Variants in EPHA6 observed in about 807,000 individuals in gnomAD.
EPHA6 encodes the protein EPH receptor A6.
A neutral mutation model predicts 112.0 loss-of-function variants in EPHA6; 50 were observed. That is an observed-to-expected ratio of 0.45 (90% CI 0.36 to 0.56). EPHA6 has a LOEUF of 0.56. Among genes scored for constraint, EPHA6 ranks in the 20% least tolerant of loss-of-function variants. EPHA6 has a pLI of 0.00. For missense variants in EPHA6, 1,280 were observed against 1,417.4 expected, an observed-to-expected ratio of 0.90 and a Z score of 1.56; for synonymous variants, 529 against 490.7, an observed-to-expected ratio of 1.08 and a Z score of -1.03.
chr3:97,635,311 G>T (rs2093936159), intron 13 of EPHA6, among the ~76,000 whole-genome samples: 1 of 152,034 alleles, frequency 6.6e-6, no homozygotes, highest in Admixed American at 6.6e-5. Flanking sequence ...TTACCATGAT[G>T]ATTGAAATGA....
intron 3 of EPHA6, among the ~76,000 whole-genome samples, chr3:97,155,328 GTCAT>G (rs1371714891): frequency 6.6e-6 from 1 of 152,104 alleles, no homozygotes; most frequent in African/African-American, 2.4e-5. Flanking sequence ...TCTTCCAGAA[GTCAT>G]TCAGTTTCTC....
At chr3:97,204,275 A>G (rs1202101376) in intron 3 of EPHA6, among the ~76,000 whole-genome samples, 2 of 152,124 alleles carry the variant, frequency 1.3e-5, no homozygotes, top group Non-Finnish European at 2.9e-5. Flanking sequence ...ACATTTTTAC[A>G]TGGTTAGATA....
chr3:97,758,093 C>T lies in EPHA6; in HGVS notation c.*9392C>T, dbSNP rs2036068634. ...ACATATATTTTTTATAGTTACTTCT[C>T]ACTACTTACTGCTTATTCAGTTTGT... is the stretch of plus-strand genomic sequence containing the variant. On this transcript the variant is annotated 3_prime_UTR_variant, in exon 18 of 18. Coordinates refer to ENST00000389672, the MANE Select transcript of EPHA6 (RefSeq NM_001080448.3). Among the ~76,000 whole-genome samples the T allele has an allele frequency of 6.6e-6, 1 of 151,962 alleles. No individual in the cohort carries two copies. The highest frequency in any genetic ancestry group is 1.5e-5 in the Non-Finnish European group (1 of 67,842).
Position 96,996,492 on chromosome 3 carries a change from A to G in EPHA6, c.1114+8499A>G, listed in dbSNP as rs552979944. Among the ~76,000 whole-genome samples, 16 of 152,212 alleles carry G rather than the reference A, an allele frequency of 1.1e-4. No homozygotes were observed. The East Asian group carries it at 2.9e-3, about 28-fold the overall frequency. ...TATATTTCTTAAGCCATAAGACTTG[A>G]AAGTTGACATTTCTCTGTGATTGAT... On this transcript the variant is annotated intron_variant, in intron 3 of 17. Coordinates refer to ENST00000389672, the MANE Select transcript of EPHA6 (RefSeq NM_001080448.3).
intron 5 of EPHA6, among the ~76,000 whole-genome samples, chr3:97,393,762 C>A (rs960402361): frequency 4.6e-5 from 7 of 151,756 alleles, no homozygotes; most frequent in African/African-American, 1.7e-4. Context: ...CTCTGGTAAT[C>A]ATTGTTCTAC....
intron 3 of EPHA6, among the ~76,000 whole-genome samples, chr3:97,118,790 T>C (rs764806575): frequency 2.0e-5 from 3 of 151,986 alleles, no homozygotes; most frequent in Non-Finnish European, 2.9e-5. Flanking sequence ...ATAGAGGCTA[T>C]TGTGAAGATT....
intron 11 of EPHA6, among the ~76,000 whole-genome samples, chr3:97,551,184 C>T (rs1285660913): frequency 2.0e-5 from 3 of 152,078 alleles, no homozygotes; most frequent in African/African-American, 7.2e-5. Flanking sequence ...AAAGTAAGAC[C>T]ACAGCAAATT....
chr3:97,577,705 T>C (rs2093400124), intron 11 of EPHA6, among the ~76,000 whole-genome samples: 2 of 152,158 alleles, frequency 1.3e-5, no homozygotes, highest in Non-Finnish European at 2.9e-5. Context: ...TTCTAGATAA[T>C]AGGAAAAGCA....
chr3:97,184,373 C>T (rs750008287), intron 3 of EPHA6, among the ~76,000 whole-genome samples: 3 of 151,708 alleles, frequency 2.0e-5, no homozygotes, highest in Non-Finnish European at 4.4e-5. Context: ...ATGCCATCCT[C>T]TACAAAATCA....
intron 11 of EPHA6, among the ~76,000 whole-genome samples, chr3:97,566,586 G>T (rs111791235): frequency 6.6e-6 from 1 of 152,138 alleles, no homozygotes; most frequent in Non-Finnish European, 1.5e-5. Flanking sequence ...AAATAATTTT[G>T]TCAGGGCTCT....
At chr3:97,667,843 C>T (rs2107650356) in intron 14 of EPHA6, among the ~76,000 whole-genome samples, 1 of 152,138 alleles carries the variant, frequency 6.6e-6, no homozygotes, top group Non-Finnish European at 1.5e-5. Flanking sequence ...AAGCATCCTG[C>T]CTTTGGATGC....
intron 14 of EPHA6, among the ~76,000 whole-genome samples, chr3:97,695,600 G>A (rs562825339): frequency 2.1e-4 from 32 of 152,258 alleles, no homozygotes; most frequent in Admixed American, 1.9e-3. Flanking sequence ...GAATGCAGTG[G>A]CGCCATCTCA....
chr3:97,152,923 T>C (rs1576581244), intron 3 of EPHA6, among the ~76,000 whole-genome samples: 1 of 152,228 alleles, frequency 6.6e-6, no homozygotes, highest in East Asian at 1.9e-4. Flanking sequence ...TGCCTTGTAT[T>C]TCATCATGCT....
chr3:97,344,750 C>T (rs73133055), intron 5 of EPHA6, among the ~76,000 whole-genome samples: 47 of 152,188 alleles, frequency 3.1e-4, no homozygotes, highest in Admixed American at 7.2e-4. Context: ...CTAGTAAGTG[C>T]GTAGTGGTAT....
chr3:97,520,680 C>T (rs145621080), intron 10 of EPHA6, among the ~76,000 whole-genome samples: 3 of 152,244 alleles, frequency 2.0e-5, no homozygotes, highest in African/African-American at 2.4e-5. Context: ...TGTAATGTGC[C>T]GTGGAGAAGA....
chr3:97,043,171 C>CAAT (rs2045376783), intron 3 of EPHA6, among the ~76,000 whole-genome samples: 1 of 152,076 alleles, frequency 6.6e-6, no homozygotes, highest in African/African-American at 2.4e-5. Flanking sequence ...ACTCAGCGGT[C>CAAT]TTCCCTTCTG....
intron 5 of EPHA6, among the ~76,000 whole-genome samples, chr3:97,332,653 A>G (rs2082857817): frequency 1.3e-5 from 2 of 152,212 alleles, no homozygotes; most frequent in South Asian, 4.1e-4. Flanking sequence ...ATTAGGTTTG[A>G]GTCAATGTTC....
At chr3:97,006,837 T>C (rs2043898829) in intron 3 of EPHA6, among the ~76,000 whole-genome samples, 1 of 152,174 alleles carries the variant, frequency 6.6e-6, no homozygotes, top group African/African-American at 2.4e-5. Flanking sequence ...AAGAACTTGA[T>C]TTCTGCCTTA....
At chr3:97,317,591 A>G (rs971213883) in intron 5 of EPHA6, among the ~76,000 whole-genome samples, 2 of 151,900 alleles carry the variant, frequency 1.3e-5, no homozygotes, top group African/African-American at 4.8e-5. Flanking sequence ...ACAAACTTGT[A>G]ACTTTGGGCT....
Sources: allele counts gnomAD v4.1 joint callset (sites outside exome capture counted in the v4.1 genomes callset), GRCh38; gene constraint gnomAD v4.1.1; transcripts MANE v1.5; gene names NCBI Gene and HGNC (gene_info 2026-07-23, HGNC 2026-07-21).